Variants in SDCCAG8 observed in about 807,000 individuals in gnomAD.
SDCCAG8 encodes serologically defined colon cancer antigen 8.
In SDCCAG8, 74 loss-of-function variants were observed where a neutral mutation model predicts 101.8. The ratio of observed to expected loss-of-function variants is 0.73; its 90% CI spans 0.60 to 0.88. The LOEUF is 0.88. SDCCAG8 is among the 40% of genes least tolerant of loss of function. The pLI is 0.00. For synonymous variants in SDCCAG8, 281 were observed against 292.9 expected (o/e 0.96, Z 0.41); for missense variants, 787 against 822.6 (o/e 0.96, Z 0.53).
chr1:243,327,963 T>C (rs961322654), intron 9 of SDCCAG8, among the ~76,000 whole-genome samples: 4 of 151,812 alleles, frequency 2.6e-5, no homozygotes, highest in Non-Finnish European at 5.9e-5. Flanking sequence ...AGTGCAGTGG[T>C]GCGATCTCAG....
At chr1:243,373,136 T>C (rs1231512228) in intron 12 of SDCCAG8, among the ~76,000 whole-genome samples, 1 of 152,004 alleles carries the variant, frequency 6.6e-6, no homozygotes, top group Non-Finnish European at 1.5e-5. Flanking sequence ...TTTTTTACTA[T>C]GGATCTTGGC....
chr1:243,463,417 G>A (rs1659519116), intron 16 of SDCCAG8, among the ~76,000 whole-genome samples: 1 of 152,014 alleles, frequency 6.6e-6, no homozygotes, highest in Non-Finnish European at 1.5e-5. Context: ...GACCCAAAAT[G>A]AGAAGAAGCA....
At position 243,289,694 on chromosome 1, in the gene SDCCAG8, G is replaced by A. The variant is rs536625079; in HGVS notation, c.546+3297G>A. Among the ~76,000 whole-genome samples the A allele has an allele frequency of 3.9e-5, 6 of 152,254 alleles. No individual in the cohort carries two copies. In the East Asian group the frequency reaches 7.7e-4, roughly 20 times the overall value. ...CCTAATGTCACAGAGCTAGATAATG[G>A]CAAAGCAAGGATTCAAACCCAGGAC... On this transcript the variant is annotated intron_variant, in intron 5 of 17. Transcript: ENST00000366541.
At chr1:243,408,205 A>G (rs985544759) in intron 13 of SDCCAG8, among the ~76,000 whole-genome samples, 4 of 152,160 alleles carry the variant, frequency 2.6e-5, no homozygotes, top group Admixed American at 6.6e-5. Flanking sequence ...TCGTTTATTC[A>G]TTCATGAAAT....
intron 12 of SDCCAG8, among the ~76,000 whole-genome samples, chr1:243,347,947 T>G (rs1573468920): frequency 6.6e-6 from 1 of 151,400 alleles, no homozygotes; most frequent in East Asian, 1.9e-4. Context: ...AGAACTAAAA[T>G]ATAAAACATT....
chr1:243,370,722 C>T (rs1301315023), intron 12 of SDCCAG8, among the ~76,000 whole-genome samples: 1 of 152,008 alleles, frequency 6.6e-6, no homozygotes, highest in Admixed American at 6.6e-5. Flanking sequence ...CTGAGAGCTA[C>T]GTTAGCTCTG....
At chr1:243,455,983 C>G (rs147729323) in intron 16 of SDCCAG8, among the ~76,000 whole-genome samples, 1 of 152,140 alleles carries the variant, frequency 6.6e-6, no homozygotes, top group Non-Finnish European at 1.5e-5. Flanking sequence ...GCCTCTGGAC[C>G]GAAGGGATGC....
intron 3 of SDCCAG8, among the ~76,000 whole-genome samples, chr1:243,271,962 C>CA (rs1442892335): frequency 6.6e-6 from 1 of 152,156 alleles, no homozygotes; most frequent in Non-Finnish European, 1.5e-5. Context: ...ATTGCTTTGA[C>CA]AGAGTGTATT....
intron 12 of SDCCAG8, among the ~76,000 whole-genome samples, chr1:243,360,297 C>T (rs1034444763): frequency 3.3e-5 from 5 of 151,968 alleles, no homozygotes; most frequent in Admixed American, 3.3e-4. Context: ...AGGCACCCGC[C>T]ACTATGCCTG....
intron 16 of SDCCAG8, among the ~76,000 whole-genome samples, chr1:243,450,011 G>A (rs974924464): frequency 6.6e-6 from 1 of 152,186 alleles, no homozygotes; most frequent in Non-Finnish European, 1.5e-5. Flanking sequence ...TTGGGTAGGG[G>A]CAGGGTTAAA....
intron 4 of SDCCAG8, among the ~76,000 whole-genome samples, chr1:243,277,567 T>C (rs1007674333): frequency 2.7e-4 from 41 of 152,318 alleles, no homozygotes; most frequent in African/African-American, 9.4e-4. Context: ...GATATGTCTT[T>C]TTCAAGTATT....
chr1:243,334,807 C>T (rs928282815), intron 10 of SDCCAG8, among the ~76,000 whole-genome samples: 10 of 152,064 alleles, frequency 6.6e-5, no homozygotes, highest in East Asian at 1.9e-4. Context: ...AGGCTGATCG[C>T]GAACTCCTGG....
intron 17 of SDCCAG8, among the ~76,000 whole-genome samples, chr1:243,499,264 A>ATAGGT (rs1468420737): frequency 6.6e-6 from 1 of 152,210 alleles, no homozygotes; most frequent in East Asian, 1.9e-4. Flanking sequence ...GTACTTTTTC[A>ATAGGT]TAGGTTACAA....
rs763297129 is a variant in SDCCAG8, at chr1:243,293,167, A to G, written c.623A>G (p.His208Arg). ...GAAACCTCCAAAAGACCATTTTCCCATGACAATGCAGATTTTGGCAAAGCT... is the reference window on the plus strand; with the variant it reads ...GAAACCTCCAAAAGACCATTTTCCCGTGACAATGCAGATTTTGGCAAAGCT... ...VGETSKRPFS[H>R]DNADFGKAAS... The change falls in exon 6 of 18, where the codon CAT becomes CGT. Residue 208 changes from histidine (H) to arginine (R), a missense_variant. His to Arg is a conservative substitution (Grantham distance 29). Transcript: ENST00000366541. The G allele has an allele frequency of 2.7e-5, 43 of 1,614,074 alleles. No homozygotes were observed. Among genetic ancestry groups the G allele is most frequent in the African/African-American group, 1.3e-5 (1 of 74,940 alleles).
chr1:243,353,270 C>T (rs1168317664), intron 12 of SDCCAG8, among the ~76,000 whole-genome samples: 1 of 151,542 alleles, frequency 6.6e-6, no homozygotes, highest in Admixed American at 6.6e-5. Context: ...GCAAGCAGAT[C>T]ACTTGAGGTC....
At chr1:243,296,836 A>G (rs187973794) in intron 6 of SDCCAG8, among the ~76,000 whole-genome samples, 1,621 of 152,054 alleles carry the variant, frequency 0.011, 8 homozygotes, top group Non-Finnish European at 0.016. Context: ...CCCGGCCCCA[A>G]CTGCTCTTTT....
At chr1:243,336,679 C>G (rs1558314317) in intron 10 of SDCCAG8, among the ~76,000 whole-genome samples, 1 of 152,170 alleles carries the variant, frequency 6.6e-6, no homozygotes, top group African/African-American at 2.4e-5. Flanking sequence ...CACCAGGCCC[C>G]CCTCCAACAT....
intron 9 of SDCCAG8, 129 bp downstream of exon 9, chr1:243,317,022 T>A: frequency 1.0e-6 from 1 of 979,858 alleles, no homozygotes; most frequent in Non-Finnish European, 1.5e-6. Flanking sequence ...TATCAATCTG[T>A]TAATGTTGAC....
intron 16 of SDCCAG8, among the ~76,000 whole-genome samples, chr1:243,477,033 C>CACAG (rs942231630): frequency 6.7e-6 from 1 of 150,320 alleles, no homozygotes; most frequent in African/African-American, 2.5e-5. Flanking sequence ...CACACACACA[C>CACAG]AGAGAGAAAG....
Sources: allele counts gnomAD v4.1 joint callset (sites outside exome capture counted in the v4.1 genomes callset), GRCh38; gene constraint gnomAD v4.1.1; transcripts MANE v1.5; gene names NCBI Gene and HGNC (gene_info 2026-07-23, HGNC 2026-07-21).